MAGI1: variants seen among roughly 807,000 people sequenced by gnomAD.
MAGI1 encodes the protein membrane-associated guanylate kinase, WW and PDZ domain-containing protein 1.
MAGI1 carries 58 observed loss-of-function variants against 139.9 expected under a neutral mutation model. The ratio of observed to expected loss-of-function variants is 0.41; its 90% CI spans 0.34 to 0.52. The LOEUF (loss-of-function observed/expected upper bound fraction) is 0.52. MAGI1 is among the 20% of genes least tolerant of loss of function. The pLI is 0.12. For synonymous variants in MAGI1, 812 were observed against 737.9 expected (o/e 1.10, Z -1.63); for missense variants, 1,874 against 1,901.6 (o/e 0.99, Z 0.27).
rs779496276 is a variant in MAGI1, at chr3:65,379,544, G to A, written c.2712C>T (p.Thr904=). Residue 904 remains threonine (T), a synonymous_variant, in exon 17 of 23, where the codon ACC becomes ACT. Transcript: ENST00000402939. ...AGGCTGGCGAGGGCACCTCGTTCTC[G>A]GTTTTGGGCACTGTAGCAGAGAGAT... The part of the protein sequence containing the change: ...RRKVVFAVPK[T]ENEVPSPASS... 74 of 1,608,806 alleles carry A rather than the reference G, an allele frequency of 4.6e-5. No individual in the cohort carries two copies. Among genetic ancestry groups the A allele is most frequent in the Middle Eastern group, 1.7e-4 (1 of 6,036 alleles).
chr3:65,760,029 G>A (rs1406039624), intron 1 of MAGI1, among the ~76,000 whole-genome samples: 1 of 152,092 alleles, frequency 6.6e-6, no homozygotes, highest in African/African-American at 2.4e-5. Flanking sequence ...TAATAGAATT[G>A]TGTTGGAAGT....
chr3:66,034,658 T>TA (rs1230243184), intron 1 of MAGI1, among the ~76,000 whole-genome samples: 1 of 152,118 alleles, frequency 6.6e-6, no homozygotes, highest in African/African-American at 2.4e-5. Context: ...TTCGTAATAG[T>TA]AAAAAATGGT....
intron 18 of MAGI1, 59 bp from the exon 19 acceptor site, chr3:65,365,005 A>G: frequency 2.9e-6 from 4 of 1,400,268 alleles, no homozygotes; most frequent in Non-Finnish European, 4.1e-6. Context: ...TCCTCCAGCC[A>G]GGAGGTGTGC....
chr3:66,020,675 C>T (rs191435240), intron 1 of MAGI1, among the ~76,000 whole-genome samples: 1 of 152,268 alleles, frequency 6.6e-6, no homozygotes, highest in East Asian at 1.9e-4. Flanking sequence ...CTACCTAAGC[C>T]ATTTGAGTTG....
At chr3:65,529,832 T>C (rs1360455205) in intron 2 of MAGI1, among the ~76,000 whole-genome samples, 2 of 152,152 alleles carry the variant, frequency 1.3e-5, no homozygotes, top group East Asian at 1.9e-4. Flanking sequence ...TACACATATA[T>C]ACATAAATAT....
intron 1 of MAGI1, among the ~76,000 whole-genome samples, chr3:65,639,145 T>G (rs988114091): frequency 6.6e-6 from 1 of 152,216 alleles, no homozygotes; most frequent in Non-Finnish European, 1.5e-5. Flanking sequence ...CTATTCAAAT[T>G]GTTCATCAGT....
At chr3:65,651,102 TATG>T (rs2085553175) in intron 1 of MAGI1, among the ~76,000 whole-genome samples, 1 of 152,158 alleles carries the variant, frequency 6.6e-6, no homozygotes, top group Non-Finnish European at 1.5e-5. Context: ...TAATTTATTT[TATG>T]ATAACTTTTT....
intron 1 of MAGI1, among the ~76,000 whole-genome samples, chr3:65,848,160 T>C (rs2059074054): frequency 6.6e-6 from 1 of 152,228 alleles, no homozygotes; most frequent in African/African-American, 2.4e-5. Context: ...GCATTCCACT[T>C]TGTCAGACCA....
intron 2 of MAGI1, among the ~76,000 whole-genome samples, chr3:65,549,078 G>A (rs2079673679): frequency 6.6e-6 from 1 of 152,154 alleles, no homozygotes; most frequent in Non-Finnish European, 1.5e-5. Flanking sequence ...CAGCCAAGGC[G>A]GCCCCTGCTC....
chr3:65,480,267 T>C (rs1012146477), intron 3 of MAGI1, among the ~76,000 whole-genome samples: 11 of 151,580 alleles, frequency 7.3e-5, no homozygotes, highest in African/African-American at 2.7e-4. Context: ...GTACAGTGGA[T>C]CATGCCTCTA....
At chr3:65,882,799 G>C (rs1452997453) in intron 1 of MAGI1, among the ~76,000 whole-genome samples, 1 of 151,874 alleles carries the variant, frequency 6.6e-6, no homozygotes, top group African/African-American at 2.4e-5. Flanking sequence ...GCCAGGCATG[G>C]TGGTGTGCAC....
intron 1 of MAGI1, among the ~76,000 whole-genome samples, chr3:65,773,008 G>A (rs540088748): frequency 6.6e-5 from 10 of 152,240 alleles, no homozygotes; most frequent in Non-Finnish European, 1.2e-4. Context: ...TCACACCAGC[G>A]TCCTCTTTGA....
intron 1 of MAGI1, among the ~76,000 whole-genome samples, chr3:65,958,052 C>T (rs1457021558): frequency 6.6e-6 from 1 of 152,146 alleles, no homozygotes; most frequent in East Asian, 1.9e-4. Context: ...AGCCACCGCG[C>T]CTGGCCTAGT....
intron 1 of MAGI1, among the ~76,000 whole-genome samples, chr3:65,631,043 G>A (rs566999690): frequency 1.2e-4 from 18 of 152,228 alleles, no homozygotes; most frequent in Non-Finnish European, 1.8e-4. Context: ...GTATGCACAC[G>A]CAGGGTCATG....
At chr3:65,397,625 G>T (rs1445887830) in intron 13 of MAGI1, among the ~76,000 whole-genome samples, 2 of 151,792 alleles carry the variant, frequency 1.3e-5, no homozygotes, top group African/African-American at 4.8e-5. Context: ...TAAAGAATGT[G>T]GTTTCCTATG....
At chr3:65,549,014 A>G (rs976442526) in intron 2 of MAGI1, among the ~76,000 whole-genome samples, 2 of 152,140 alleles carry the variant, frequency 1.3e-5, no homozygotes, top group East Asian at 1.9e-4. Context: ...CCTAGGCGGA[A>G]CGAGCCTGCG....
chr3:65,864,991 C>A (rs759618051), intron 1 of MAGI1, among the ~76,000 whole-genome samples: 6 of 152,212 alleles, frequency 3.9e-5, no homozygotes, highest in South Asian at 4.1e-4. Flanking sequence ...ATGCCATCCA[C>A]ACACCTACGT....
intron 1 of MAGI1, among the ~76,000 whole-genome samples, chr3:65,857,460 T>G (rs185489367): frequency 5.3e-5 from 8 of 152,340 alleles, no homozygotes; most frequent in Non-Finnish European, 8.8e-5. Flanking sequence ...ATCTTTGCAT[T>G]ACTCCAGCCA....
chr3:65,949,625 C>G (rs1192361186), intron 1 of MAGI1, among the ~76,000 whole-genome samples: 1 of 152,194 alleles, frequency 6.6e-6, no homozygotes, highest in Admixed American at 6.5e-5. Context: ...AACTTTCTCT[C>G]CAAAGTGCTA....
Sources: gnomAD v4.1 joint callset for allele counts (sites outside exome capture counted in the v4.1 genomes callset) on GRCh38, gnomAD v4.1.1 for gene constraint, MANE v1.5 for transcripts, NCBI Gene and HGNC (gene_info 2026-07-23, HGNC 2026-07-21) for gene names.